Variants in SDC2 observed in about 807,000 individuals in gnomAD.
The protein encoded by SDC2 is syndecan 2, also known as syndecan-2.
SDC2 carries 13 observed loss-of-function variants against 22.2 expected under a neutral mutation model. That is an observed-to-expected ratio of 0.59 (90% CI 0.38 to 0.93). SDC2 has a LOEUF of 0.93. SDC2 is among the 40% of genes least tolerant of loss of function. The pLI, the probability that SDC2 is intolerant of heterozygous loss-of-function variation, is 0.00. For missense variants in SDC2, 235 were observed against 246.8 expected, an observed-to-expected ratio of 0.95 and a Z score of 0.32; for synonymous variants, 94 against 92.8, an observed-to-expected ratio of 1.01 and a Z score of -0.07.
chr8:96,519,107 G>A (rs369693172), intron 1 of SDC2, among the ~76,000 whole-genome samples: 1 of 152,294 alleles, frequency 6.6e-6, no homozygotes, highest in Admixed American at 6.5e-5. Context: ...GGAGCTTGCA[G>A]CCTCTCCTAC....
chr8:96,543,589 A>G (rs1046846870), intron 1 of SDC2, among the ~76,000 whole-genome samples: 2 of 152,192 alleles, frequency 1.3e-5, no homozygotes, highest in African/African-American at 2.4e-5. Flanking sequence ...AGTTGTATCA[A>G]TATCACTTTA....
At chr8:96,504,914 G>C (rs1813216283) in intron 1 of SDC2, among the ~76,000 whole-genome samples, 2 of 151,994 alleles carry the variant, frequency 1.3e-5, no homozygotes, top group Admixed American at 6.6e-5. Context: ...TAAGATTTGG[G>C]TAGGTAAAGG....
At chr8:96,589,822 A>C (rs1179648927) in intron 1 of SDC2, among the ~76,000 whole-genome samples, 1 of 152,194 alleles carries the variant, frequency 6.6e-6, no homozygotes, top group Non-Finnish European at 1.5e-5. Flanking sequence ...GAATGGCTTC[A>C]AAGACACGGA....
At chr8:96,504,413 G>A (rs1272088958) in intron 1 of SDC2, among the ~76,000 whole-genome samples, 8 of 152,280 alleles carry the variant, frequency 5.3e-5, no homozygotes, top group Non-Finnish European at 8.8e-5. Context: ...TGCAAGAGAT[G>A]GTTTTGAATG....
At chr8:96,554,496 C>G (rs1173835510) in intron 1 of SDC2, among the ~76,000 whole-genome samples, 1 of 152,058 alleles carries the variant, frequency 6.6e-6, no homozygotes, top group Non-Finnish European at 1.5e-5. Flanking sequence ...AAAAAAAGAC[C>G]TCTAATCTTA....
In SDC2 at chr8:96,509,273, G is replaced by A. The variant is rs949631350; in HGVS notation, c.60+14942G>A. Among the ~76,000 whole-genome samples, 11 of 141,954 alleles carry A rather than the reference G, an allele frequency of 7.7e-5. 1 individual carries two copies. Among genetic ancestry groups the A allele is most frequent in the Admixed American group, 2.1e-4 (3 of 14,292 alleles). 93.1% of individuals were successfully genotyped at this position (141,954 alleles called of 152,430 possible). A position where few individuals can be genotyped will look rare whatever the true frequency, so the allele number is the denominator to read the frequency against. On this transcript the variant is annotated intron_variant, in intron 1 of 4. Transcript: ENST00000302190. ...GGGTGTCAAGCAGTAATAAGAGTGCGCAGGATAGAGCCTGCGCTAGACTCT... is the reference window on the plus strand; with the variant it reads ...GGGTGTCAAGCAGTAATAAGAGTGCACAGGATAGAGCCTGCGCTAGACTCT...
intron 2 of SDC2, among the ~76,000 whole-genome samples, chr8:96,596,964 TG>T (rs1156519417): frequency 1.3e-5 from 2 of 152,078 alleles, no homozygotes; most frequent in African/African-American, 4.8e-5. Flanking sequence ...GTGAGAGTGA[TG>T]TTAAACTCAG....
intron 1 of SDC2, among the ~76,000 whole-genome samples, chr8:96,591,357 C>G (rs535738027): frequency 6.6e-6 from 1 of 152,212 alleles, no homozygotes; most frequent in South Asian, 2.1e-4. Context: ...CAGATGGTCT[C>G]CTAGGCTTAA....
At chr8:96,516,573 GCAGT>G (rs971159585) in intron 1 of SDC2, among the ~76,000 whole-genome samples, 9 of 151,292 alleles carry the variant, frequency 5.9e-5, no homozygotes, top group Admixed American at 3.3e-4. Context: ...GTACCCATTT[GCAGT>G]CACTTTTCAT....
At chr8:96,538,536 C>G (rs951379896) in intron 1 of SDC2, among the ~76,000 whole-genome samples, 2 of 151,848 alleles carry the variant, frequency 1.3e-5, no homozygotes, top group African/African-American at 4.8e-5. Flanking sequence ...TCCAGTGTTT[C>G]AAGGTCTTTT....
At chr8:96,593,640 G>A (rs749346319) in intron 2 of SDC2, 49 bp downstream of exon 2, 10 of 1,176,794 alleles carry the variant, frequency 8.5e-6, no homozygotes, top group South Asian at 2.5e-5. Context: ...AGGCATGCAC[G>A]CACACACATT....
At chr8:96,513,476 A>C (rs1475805102) in intron 1 of SDC2, among the ~76,000 whole-genome samples, 3 of 152,344 alleles carry the variant, frequency 2.0e-5, no homozygotes, top group East Asian at 3.9e-4. Flanking sequence ...AACCCAGAAG[A>C]TGCAAACAGA....
At chr8:96,549,500 C>T (rs1813991158) in intron 1 of SDC2, among the ~76,000 whole-genome samples, 1 of 152,154 alleles carries the variant, frequency 6.6e-6, no homozygotes, top group African/African-American at 2.4e-5. Flanking sequence ...TGGAAATGAG[C>T]AGTCTCTGAT....
At chr8:96,513,370 G>A (rs773137013) in intron 1 of SDC2, among the ~76,000 whole-genome samples, 3 of 152,190 alleles carry the variant, frequency 2.0e-5, no homozygotes, top group South Asian at 2.1e-4. Flanking sequence ...GCCTCCTGGC[G>A]TTTGTTGTTT....
chr8:96,512,099 T>C (rs1450875790), intron 1 of SDC2, among the ~76,000 whole-genome samples: 3 of 152,154 alleles, frequency 2.0e-5, no homozygotes, highest in Admixed American at 2.0e-4. Context: ...CCCATTCCTT[T>C]TAATGCCACA....
At chr8:96,602,643 A>G (rs1303953769) in intron 3 of SDC2, 115 bp downstream of exon 3, 11 of 1,151,372 alleles carry the variant, frequency 9.6e-6, no homozygotes, top group Non-Finnish European at 1.1e-5. Context: ...GCTACCCATC[A>G]TGAACTATGT....
chr8:96,543,328 GTTT>G (rs1247152725), intron 1 of SDC2, among the ~76,000 whole-genome samples: 1 of 152,068 alleles, frequency 6.6e-6, no homozygotes, highest in African/African-American at 2.4e-5. Context: ...TTAAAATCCT[GTTT>G]TTATTTGCAT....
At position 96,554,672 on chromosome 8, in the gene SDC2, C is replaced by T. The variant is rs530168866; in HGVS notation, c.61-38808C>T. 2.0e-5 allele frequency among the ~76,000 whole-genome samples: 3 copies of T among 152,294 alleles called. No individual in the cohort carries two copies. The East Asian group carries it at 5.8e-4, about 29-fold the overall frequency. On this transcript the variant is annotated intron_variant, in intron 1 of 4. Coordinates refer to ENST00000302190, the MANE Select transcript of SDC2 (RefSeq NM_002998.4). ...TGTTGGGCACCCAGGGGTGGTTGAA[C>T]TGGCAGTTACGACTTGATCCAGGTT...
At chr8:96,517,797 GTGTGTA>G (rs1396575559) in intron 1 of SDC2, among the ~76,000 whole-genome samples, 319 of 117,708 alleles carry the variant, frequency 2.7e-3, no homozygotes, top group Middle Eastern at 8.3e-3. Flanking sequence ...GTGTGTGTGT[GTGTGTA>G]TATATATATG....
Sources: allele counts gnomAD v4.1 joint callset (sites outside exome capture counted in the v4.1 genomes callset), GRCh38; gene constraint gnomAD v4.1.1; transcripts MANE v1.5; gene names NCBI Gene and HGNC (gene_info 2026-07-23, HGNC 2026-07-21).